The following PLAAT2 variants were observed in gnomAD, a reference collection of about 807,000 sequenced individuals.
PLAAT2 encodes phospholipase A and acyltransferase 2.
PLAAT2 carries 12 observed loss-of-function variants against 12.8 expected under a neutral mutation model. The ratio of observed to expected loss-of-function variants is 0.94; its 90% CI spans 0.60 to 1.52. The LOEUF (loss-of-function observed/expected upper bound fraction) is 1.52. Ranked by LOEUF, PLAAT2 falls within the 40% of genes most tolerant of loss-of-function variation. The pLI is 0.00. For synonymous variants in PLAAT2, 79 were observed against 86.8 expected, an observed-to-expected ratio of 0.91 and a Z score of 0.50; for missense variants, 166 against 208.1, an observed-to-expected ratio of 0.80 and a Z score of 1.24.
At chr11:63,555,849 GA>G (rs1460621247) in intron 3 of PLAAT2, among the ~76,000 whole-genome samples, 6 of 152,222 alleles carry the variant, frequency 3.9e-5, no homozygotes, top group African/African-American at 1.4e-4. Flanking sequence ...TGGATACCAA[GA>G]GATGACTGTA....
chr11:63,557,669 T>C (rs374475310), intron 3 of PLAAT2, among the ~76,000 whole-genome samples: 82 of 152,334 alleles, frequency 5.4e-4, no homozygotes, highest in East Asian at 5.2e-3. Context: ...TGTTCATTTA[T>C]ATATTGTCTG....
chr11:63,561,866 C>CA (rs910817311), intron 1 of PLAAT2, among the ~76,000 whole-genome samples: 30 of 149,356 alleles, frequency 2.0e-4, no homozygotes, highest in South Asian at 1.1e-3. Context: ...ATTTGAGCAT[C>CA]AAAAAAAAAT....
rs888535914 is a variant in PLAAT2, at chr11:63,562,499, C to T, written c.9+817G>A. Reference sequence around the variant, plus strand: ...TTTTCAGACAAAGTGAATGTGTTCACGTATTTCTCCTGGAATTAAATACAT... The same window carrying T: ...TTTTCAGACAAAGTGAATGTGTTCATGTATTTCTCCTGGAATTAAATACAT... On this transcript the variant is annotated intron_variant, in intron 1 of 3. Coordinates refer to ENST00000255695, the MANE Select transcript of PLAAT2 (RefSeq NM_017878.2). 3.9e-5 allele frequency among the ~76,000 whole-genome samples: 6 copies of T among 152,186 alleles called. No homozygotes were observed. The East Asian group carries it at 5.8e-4, about 15-fold the overall frequency.
At chr11:63,563,767 T>G (rs1347082425), upstream of PLAAT2, among the ~76,000 whole-genome samples, 1 of 149,792 alleles carries the variant, frequency 6.7e-6, no homozygotes, top group African/African-American at 2.5e-5. Flanking sequence ...CATGTAAAAT[T>G]TTCCCTGTCT....
At position 63,556,785 on chromosome 11, in the gene PLAAT2, C is replaced by T. The variant is rs1270641766; in HGVS notation, c.387+1607G>A. Among the ~76,000 whole-genome samples the T allele has an allele frequency of 5.9e-5, 9 of 152,300 alleles. No individual in the cohort carries two copies. The East Asian group carries it at 1.7e-3, about 29-fold the overall frequency. The stretch of plus-strand genomic sequence containing the variant: ...TGCACAGGCTAAGGTGTAAACACTC[C>T]TAGTCACCAGTAAGGGAGGATTCAA... On this transcript the variant is annotated intron_variant, in intron 3 of 3. Transcript: ENST00000255695.
At position 63,560,137 on chromosome 11, in the gene PLAAT2, T is replaced by C; in HGVS notation, c.66A>G (p.Ala22=). The C allele has an allele frequency of 6.2e-7, 1 of 1,613,964 alleles. No homozygotes were observed. The highest frequency in any genetic ancestry group is 8.5e-7 in the Non-Finnish European group (1 of 1,179,920). Reference sequence around the variant, plus strand: ...CATCTCCCACGTAGATGGCCCAGTGTGCATAGCCAAAGCGAGAAATCTCAA... The same window carrying C: ...CATCTCCCACGTAGATGGCCCAGTGCGCATAGCCAAAGCGAGAAATCTCAA... ...DLIEISRFGY[A]HWAIYVGDGY... The change falls in exon 2 of 4, where the codon GCA becomes GCG. Residue 22 remains alanine (A), a synonymous_variant. Transcript: ENST00000255695.
chr11:63,553,450 G>A lies in PLAAT2; in HGVS notation c.388-385C>T, dbSNP rs191232870. 2.0e-5 allele frequency among the ~76,000 whole-genome samples: 3 copies of A among 151,646 alleles called. No individual in the cohort carries two copies. In the East Asian group the frequency reaches 5.8e-4, roughly 30 times the overall value. On this transcript the variant is annotated intron_variant, in intron 3 of 3. Coordinates refer to ENST00000255695, the MANE Select transcript of PLAAT2 (RefSeq NM_017878.2). ...AGCCCAGGAGTTCAAGACCAGCCTA[G>A]GCAACATGGTGAGACCCCCATCTCT... is the stretch of plus-strand genomic sequence containing the variant.
chr11:63,554,467 C>T (rs1483424440), intron 3 of PLAAT2, among the ~76,000 whole-genome samples: 1 of 151,590 alleles, frequency 6.6e-6, no homozygotes, highest in East Asian at 1.9e-4. Flanking sequence ...CCCCCGTCTC[C>T]ACTAAAAAAA....
chr11:63,558,242 G>T, intron 3 of PLAAT2, 150 bp downstream of exon 3: 217 of 779,272 alleles, frequency 2.8e-4, no homozygotes, highest in Middle Eastern at 3.9e-4. Context: ...CACCCCAAAT[G>T]TGACACCCTC....
At chr11:63,561,300 C>T (rs1398585926) in intron 1 of PLAAT2, among the ~76,000 whole-genome samples, 4 of 152,106 alleles carry the variant, frequency 2.6e-5, no homozygotes, top group East Asian at 1.9e-4. Context: ...AATCATACAA[C>T]GGACTCTGAA....
intron 3 of PLAAT2, among the ~76,000 whole-genome samples, chr11:63,554,746 C>A (rs759936010): frequency 4.0e-5 from 6 of 151,898 alleles, no homozygotes; most frequent in Non-Finnish European, 8.8e-5. Context: ...GACAGGGAAG[C>A]AAGTATTTAA....
chr11:63,561,451 C>T (rs1464060972), intron 1 of PLAAT2, among the ~76,000 whole-genome samples: 3 of 151,974 alleles, frequency 2.0e-5, no homozygotes, highest in Non-Finnish European at 4.4e-5. Context: ...TGAGACCAGC[C>T]TGGCCAACAT....
upstream of PLAAT2, among the ~76,000 whole-genome samples, chr11:63,563,545 C>T (rs570128678): frequency 4.0e-5 from 6 of 151,894 alleles, no homozygotes; most frequent in Admixed American, 2.0e-4. Flanking sequence ...GGTGAAACCC[C>T]GTCTCTCCTA....
intron 3 of PLAAT2, among the ~76,000 whole-genome samples, chr11:63,557,319 A>G (rs1565239950): frequency 6.6e-6 from 1 of 152,136 alleles, no homozygotes; most frequent in Non-Finnish European, 1.5e-5. Flanking sequence ...TGAGCCCAGG[A>G]GTTCAAGACC....
upstream of PLAAT2, among the ~76,000 whole-genome samples, chr11:63,564,004 G>A (rs2017542852): frequency 6.6e-6 from 1 of 152,166 alleles, no homozygotes; most frequent in East Asian, 1.9e-4. Context: ...TCAAAAAGGA[G>A]AGAGGAGCCC....
upstream of PLAAT2, among the ~76,000 whole-genome samples, chr11:63,564,892 C>G (rs2017549703): frequency 6.6e-6 from 1 of 152,172 alleles, no homozygotes; most frequent in South Asian, 2.1e-4. Flanking sequence ...CTGAAAGGAT[C>G]TCAGGTGGGT....
intron 3 of PLAAT2, among the ~76,000 whole-genome samples, chr11:63,554,036 C>G (rs183411164): frequency 1.3e-5 from 2 of 152,070 alleles, no homozygotes; most frequent in Non-Finnish European, 2.9e-5. Context: ...GGCCGACCCC[C>G]GAGGGTTGGT....
chr11:63,554,577 A>G (rs574170583), intron 3 of PLAAT2, among the ~76,000 whole-genome samples: 60 of 151,588 alleles, frequency 4.0e-4, no homozygotes, highest in African/African-American at 1.4e-3. Context: ...GCAGTGAGCC[A>G]AGATCACGCC....
chr11:63,554,624 T>A (rs2017449512), intron 3 of PLAAT2, among the ~76,000 whole-genome samples: 1 of 137,900 alleles, frequency 7.3e-6, no homozygotes. Flanking sequence ...TGAGACTATG[T>A]CTCAAAAAAA....
Sources: allele counts gnomAD v4.1 joint callset (sites outside exome capture counted in the v4.1 genomes callset), GRCh38; gene constraint gnomAD v4.1.1; transcripts MANE v1.5; gene names NCBI Gene and HGNC (gene_info 2026-07-23, HGNC 2026-07-21).